The following DOCK3 variants were observed in gnomAD, a reference collection of about 807,000 sequenced individuals.
The protein encoded by DOCK3 is dedicator of cytokinesis 3.
Under a neutral mutation model 265.6 loss-of-function variants are expected in DOCK3, and 60 were observed. The observed-to-expected ratio is 0.23, with a 90% CI of 0.18 to 0.28. The LOEUF (loss-of-function observed/expected upper bound fraction) is 0.28. DOCK3 is among the 10% of genes least tolerant of loss of function. DOCK3 has a pLI of 1.00. For missense variants in DOCK3, 1,981 were observed against 2,594.3 expected, an observed-to-expected ratio of 0.76 and a Z score of 5.14; for synonymous variants, 881 against 938.0, an observed-to-expected ratio of 0.94 and a Z score of 1.11.
chr3:50,750,504 A>G (rs1242696771), intron 1 of DOCK3, among the ~76,000 whole-genome samples: 1 of 151,602 alleles, frequency 6.6e-6, no homozygotes, highest in Non-Finnish European at 1.5e-5. Context: ...TAATTTTTGT[A>G]TTTTTAGTAG....
chr3:51,083,567 A>G (rs1020749611), intron 7 of DOCK3, among the ~76,000 whole-genome samples: 1 of 152,220 alleles, frequency 6.6e-6, no homozygotes, highest in Non-Finnish European at 1.5e-5. Flanking sequence ...TCATGAGTTG[A>G]AGTTTAACAA....
At position 50,905,524 on chromosome 3, in the gene DOCK3, A is replaced by G. The variant is rs1430191516; in HGVS notation, c.218+15443A>G. Among the ~76,000 whole-genome samples, 10 of 152,038 alleles carry G rather than the reference A, an allele frequency of 6.6e-5. No individual in the cohort carries two copies. The South Asian group carries it at 8.3e-4, about 13-fold the overall frequency. On this transcript the variant is annotated intron_variant, in intron 4 of 52. Coordinates refer to ENST00000266037, the MANE Select transcript of DOCK3 (RefSeq NM_004947.5). ...TAGGTATTTTATTCTCTTTGAAGCA[A>G]TTGTGAATGGGAGTTCACTCATGAT...
intron 27 of DOCK3, among the ~76,000 whole-genome samples, chr3:51,303,511 AG>A (rs1408824124): frequency 6.6e-6 from 1 of 151,904 alleles, no homozygotes; most frequent in Non-Finnish European, 1.5e-5. Flanking sequence ...TTGAGTTTTC[AG>A]TGTTTTTTCA....
chr3:50,689,666 C>T (rs1219181273), intron 1 of DOCK3, among the ~76,000 whole-genome samples: 1 of 152,212 alleles, frequency 6.6e-6, no homozygotes, highest in African/African-American at 2.4e-5. Context: ...AAGGAGCATG[C>T]AACCTAGATC....
intron 12 of DOCK3, among the ~76,000 whole-genome samples, chr3:51,195,954 G>A (rs138861982): frequency 2.0e-5 from 3 of 148,852 alleles, no homozygotes; most frequent in Non-Finnish European, 3.0e-5. Context: ...TGTTTTTTTT[G>A]AAACAAGGTC....
chr3:51,260,180 A>C lies in DOCK3; in HGVS notation c.2209A>C (p.Ile737Leu). The change falls in exon 23 of 53, where the codon ATT becomes CTT. Residue 737 changes from isoleucine (I) to leucine (L), a missense_variant. Coordinates refer to ENST00000266037, the MANE Select transcript of DOCK3 (RefSeq NM_004947.5). The stretch of plus-strand genomic sequence containing the variant: ...GGCCTTGGAGTACCTTTTCAAGTTC[A>C]TTGTACAGTCACGGATCCTGTACTC... ...MRALEYLFKF[I>L]VQSRILYSRA... is the part of the protein sequence containing the mutation. 1 of 1,613,338 alleles carries C rather than the reference A, an allele frequency of 6.2e-7. No individual in the cohort carries two copies. The highest frequency in any genetic ancestry group is 8.5e-7 in the Non-Finnish European group (1 of 1,179,630).
rs1553618107 is a variant in DOCK3, at chr3:51,380,192, C to T, written c.5568C>T (p.Ala1856=). ...GTGATACCCCCCCAGCCCTCCCTGC[C>T]CGGACCCTGCGCAAGGTAATGTACT... ...PLGDTPPALP[A]RTLRKSPLHP... Residue 1856 remains alanine, a synonymous_variant, in exon 52 of 53, where the codon GCC becomes GCT. Coordinates refer to ENST00000266037, the MANE Select transcript of DOCK3 (RefSeq NM_004947.5). 1 of 1,613,316 alleles carries T rather than the reference C, an allele frequency of 6.2e-7. No homozygotes were observed. The highest frequency in any genetic ancestry group is 8.5e-7 in the Non-Finnish European group (1 of 1,179,538).
intron 12 of DOCK3, among the ~76,000 whole-genome samples, chr3:51,177,606 T>TA (rs1363549035): frequency 2.0e-5 from 3 of 152,162 alleles, no homozygotes; most frequent in Non-Finnish European, 4.4e-5. Context: ...AAATAGCATT[T>TA]AAAAATCAGA....
intron 22 of DOCK3, among the ~76,000 whole-genome samples, chr3:51,249,328 G>T (rs1176423086): frequency 1.4e-5 from 2 of 147,338 alleles, no homozygotes; most frequent in Non-Finnish European, 3.0e-5. Flanking sequence ...GAGGGAGGTG[G>T]GGGGTTCAGG....
At chr3:50,699,278 C>T (rs1417427632) in intron 1 of DOCK3, among the ~76,000 whole-genome samples, 1 of 152,118 alleles carries the variant, frequency 6.6e-6, no homozygotes, top group African/African-American at 2.4e-5. Context: ...GTCTATTTGT[C>T]TGTCATTATA....
At chr3:51,171,977 A>G (rs1226954590) in intron 12 of DOCK3, among the ~76,000 whole-genome samples, 1 of 152,158 alleles carries the variant, frequency 6.6e-6, no homozygotes, top group Admixed American at 6.5e-5. Flanking sequence ...CTGTAGAACT[A>G]TTAATATTTG....
intron 1 of DOCK3, among the ~76,000 whole-genome samples, chr3:50,685,015 C>G (rs2107690123): frequency 6.7e-6 from 1 of 149,798 alleles, no homozygotes; most frequent in East Asian, 1.9e-4. Flanking sequence ...ATTGTCATAT[C>G]TTTTTAGTTT....
chr3:50,697,386 T>A (rs1218707546), intron 1 of DOCK3, among the ~76,000 whole-genome samples: 1 of 151,738 alleles, frequency 6.6e-6, no homozygotes. Context: ...AGTCAGGAGT[T>A]CGAGGCCAGC....
intron 4 of DOCK3, among the ~76,000 whole-genome samples, chr3:50,913,964 A>C (rs1227473992): frequency 2.0e-5 from 3 of 151,928 alleles, no homozygotes; most frequent in African/African-American, 7.3e-5. Context: ...ATACTTGTTA[A>C]ATTGGTGTCC....
At chr3:51,152,213 ACTTCT>A (rs1051340493) in intron 10 of DOCK3, among the ~76,000 whole-genome samples, 8 of 151,250 alleles carry the variant, frequency 5.3e-5, no homozygotes, top group Non-Finnish European at 1.0e-4. Context: ...TTTTCTCTAA[ACTTCT>A]CTTCTCACTT....
intron 1 of DOCK3, among the ~76,000 whole-genome samples, chr3:50,731,324 A>C (rs967117554): frequency 3.9e-5 from 6 of 152,188 alleles, no homozygotes; most frequent in Non-Finnish European, 5.9e-5. Flanking sequence ...GTCACTGTAC[A>C]TTTGTTCAAG....
At chr3:51,059,286 A>G (rs1411533248) in intron 5 of DOCK3, among the ~76,000 whole-genome samples, 3 of 152,134 alleles carry the variant, frequency 2.0e-5, no homozygotes, top group Non-Finnish European at 4.4e-5. Flanking sequence ...TAACCTAATT[A>G]TCTCCCAAAC....
intron 1 of DOCK3, among the ~76,000 whole-genome samples, chr3:50,767,809 T>C (rs1225298714): frequency 2.0e-5 from 3 of 152,202 alleles, no homozygotes; most frequent in Non-Finnish European, 4.4e-5. Flanking sequence ...CTGTGGTTTG[T>C]AGTTCTCCTT....
At chr3:51,130,920 C>T (rs190076514) in intron 9 of DOCK3, among the ~76,000 whole-genome samples, 2 of 152,252 alleles carry the variant, frequency 1.3e-5, no homozygotes, top group East Asian at 3.9e-4. Context: ...GTTGCCCAGG[C>T]TGGTCTCAAA....
Sources: gnomAD v4.1 joint callset for allele counts (sites outside exome capture counted in the v4.1 genomes callset) on GRCh38, gnomAD v4.1.1 for gene constraint, MANE v1.5 for transcripts, NCBI Gene and HGNC (gene_info 2026-07-23, HGNC 2026-07-21) for gene names.